Variants in NUMB observed in about 807,000 individuals in gnomAD.
NUMB encodes the protein protein numb homolog.
Under a neutral mutation model 59.7 loss-of-function variants are expected in NUMB, and 29 were observed. The ratio of observed to expected loss-of-function variants is 0.49; its 90% confidence interval spans 0.36 to 0.66. The LOEUF is 0.66. Ranked by LOEUF, NUMB falls within the 30% of genes least tolerant of loss-of-function variation. NUMB has a pLI of 0.00. For synonymous variants in NUMB, 288 were observed against 288.2 expected (o/e 1.00, Z 0.01); for missense variants, 723 against 822.0 (o/e 0.88, Z 1.47).
chr14:73,295,973 C>G (rs1889745827), intron 7 of NUMB, among the ~76,000 whole-genome samples: 2 of 152,114 alleles, frequency 1.3e-5, no homozygotes, highest in South Asian at 4.1e-4. Context: ...AGTTTTGAGT[C>G]AAAAGCCAGG....
At chr14:73,374,837 C>T (rs1894873433) in intron 2 of NUMB, among the ~76,000 whole-genome samples, 1 of 151,284 alleles carries the variant, frequency 6.6e-6, no homozygotes, top group Non-Finnish European at 1.5e-5. Flanking sequence ...TCTCCTGCCT[C>T]AGCCTCCTGA....
At chr14:73,412,419 G>A (rs1310764270) in intron 1 of NUMB, among the ~76,000 whole-genome samples, 1 of 151,892 alleles carries the variant, frequency 6.6e-6, no homozygotes, top group Non-Finnish European at 1.5e-5. Flanking sequence ...CCTAAGGTCG[G>A]GAGTTTGAAA....
At chr14:73,306,585 G>A (rs1188961114) in intron 6 of NUMB, among the ~76,000 whole-genome samples, 1 of 152,146 alleles carries the variant, frequency 6.6e-6, no homozygotes, top group Non-Finnish European at 1.5e-5. Flanking sequence ...GTCCCTGATA[G>A]TGCTGTTCCT....
chr14:73,328,209 AGGTTGC>A (rs1337881331), intron 4 of NUMB, among the ~76,000 whole-genome samples: 3 of 150,500 alleles, frequency 2.0e-5, no homozygotes, highest in Non-Finnish European at 4.4e-5. Flanking sequence ...CAAGAGGCAG[AGGTTGC>A]GGTGAGCCAA....
chr14:73,336,969 C>T (rs1289784525), intron 4 of NUMB, among the ~76,000 whole-genome samples: 8 of 152,034 alleles, frequency 5.3e-5, no homozygotes, highest in Non-Finnish European at 8.8e-5. Flanking sequence ...TGGTGGCATG[C>T]GCCTGTAATC....
intron 6 of NUMB, among the ~76,000 whole-genome samples, chr14:73,311,436 C>T (rs1353043720): frequency 1.3e-5 from 2 of 152,136 alleles, no homozygotes; most frequent in Non-Finnish European, 2.9e-5. Context: ...TGTTTGTAAG[C>T]TTACAATGGA....
intron 2 of NUMB, among the ~76,000 whole-genome samples, chr14:73,367,896 C>A (rs1894451951): frequency 6.6e-6 from 1 of 151,656 alleles, no homozygotes; most frequent in Non-Finnish European, 1.5e-5. Context: ...CCAGAGATCA[C>A]TGGAATATAA....
intron 1 of NUMB, among the ~76,000 whole-genome samples, chr14:73,445,606 G>A (rs1883440174): frequency 6.6e-6 from 1 of 152,026 alleles, no homozygotes; most frequent in Non-Finnish European, 1.5e-5. Context: ...ACCTGCTTCG[G>A]TAAAAATGCT....
chr14:73,383,290 T>C (rs1365092427), intron 2 of NUMB, among the ~76,000 whole-genome samples: 1 of 152,020 alleles, frequency 6.6e-6, no homozygotes, highest in Non-Finnish European at 1.5e-5. Flanking sequence ...AACTGGAATC[T>C]ATGAAAACAA....
chr14:73,394,348 C>T (rs1896013840), intron 2 of NUMB, among the ~76,000 whole-genome samples: 1 of 149,988 alleles, frequency 6.7e-6, no homozygotes, highest in East Asian at 2.0e-4. Flanking sequence ...CATCACCTCA[C>T]ATACTTATTT....
At chr14:73,297,798 T>C (rs964975432) in intron 6 of NUMB, 2 of 152,512 alleles carry the variant, frequency 1.3e-5, no homozygotes, top group African/African-American at 4.8e-5. Flanking sequence ...AATTTTCACG[T>C]TAAAAACACA....
At chr14:73,375,078 T>C (rs776735707) in intron 2 of NUMB, among the ~76,000 whole-genome samples, 26 of 152,196 alleles carry the variant, frequency 1.7e-4, no homozygotes, top group Non-Finnish European at 3.5e-4. Flanking sequence ...AGATTATAAA[T>C]GACTTGTCAG....
Position 73,284,074 on chromosome 14 carries a change from A to T in NUMB, c.949+7T>A. On this transcript the variant is annotated splice_region_variant and intron_variant, in intron 10 of 12. Coordinates refer to ENST00000555238, the MANE Select transcript of NUMB (RefSeq NM_001005743.2). ...GTACCCAGTGAGTCAGGTAGATGCT[A>T]CATTACCTGCATTTTTAATGGGGAA... 6.2e-7 allele frequency: 1 copy of T among 1,612,914 alleles called. No individual in the cohort carries two copies. The highest frequency in any genetic ancestry group is 8.5e-7 in the Non-Finnish European group (1 of 1,178,896).
At chr14:73,451,035 T>C (rs1356122718) in intron 1 of NUMB, among the ~76,000 whole-genome samples, 1 of 149,850 alleles carries the variant, frequency 6.7e-6, no homozygotes, top group East Asian at 2.0e-4. Flanking sequence ...GCACCTGTAA[T>C]CCCAGCTACT....
intron 2 of NUMB, among the ~76,000 whole-genome samples, chr14:73,408,964 C>A (rs1896796785): frequency 6.6e-6 from 1 of 151,754 alleles, no homozygotes; most frequent in Non-Finnish European, 1.5e-5. Context: ...TTTTCAATAT[C>A]ATCCTCTACT....
intron 2 of NUMB, among the ~76,000 whole-genome samples, chr14:73,395,280 C>CA (rs71112749): frequency 0.8 from 121,739 of 151,966 alleles, 49,321 homozygotes; most frequent in African/African-American, 0.92. Context: ...AGGTTGATTC[C>CA]TATCTTGGCT....
At position 73,440,210 on chromosome 14, in the gene NUMB, GAT is replaced by G. The variant is rs1225648253; in HGVS notation, c.-233+18281_-233+18282del. ...AACTAGATATCCATATATATATATG[GAT>G]ATCCATATATATATATGGATATCCA... On this transcript the variant is annotated intron_variant, in intron 1 of 12. Transcript: ENST00000555238. Among the ~76,000 whole-genome samples the G allele has an allele frequency of 3.5e-3, 119 of 33,798 alleles. 1 individual carries two copies. The highest frequency in any genetic ancestry group is 0.019 in the Middle Eastern group (2 of 108). 22.2% of individuals were successfully genotyped at this position (33,798 alleles called of 152,430 possible).
At chr14:73,357,025 A>G in intron 3 of NUMB, 1 of 970,958 alleles carries the variant, frequency 1.0e-6, no homozygotes, top group Non-Finnish European at 1.2e-6. Flanking sequence ...GCAGTATGAC[A>G]TCAGAATGCC....
intron 4 of NUMB, among the ~76,000 whole-genome samples, chr14:73,352,974 G>T (rs1254458145): frequency 1.4e-5 from 2 of 147,664 alleles, no homozygotes; most frequent in Non-Finnish European, 3.0e-5. Flanking sequence ...TATGACAGAT[G>T]TTCAAAAAAT....
Sources: allele counts gnomAD v4.1 joint callset (sites outside exome capture counted in the v4.1 genomes callset), GRCh38; gene constraint gnomAD v4.1.1; transcripts MANE v1.5; gene names NCBI Gene and HGNC (gene_info 2026-07-23, HGNC 2026-07-21).